Variants in FAM135A observed in about 807,000 individuals in gnomAD.
FAM135A encodes protein FAM135A.
FAM135A carries 79 observed loss-of-function variants against 146.8 expected under a neutral mutation model. That is an observed-to-expected ratio of 0.54 (90% CI 0.45 to 0.65). FAM135A has a LOEUF of 0.65. Ranked by LOEUF, FAM135A falls within the 30% of genes least tolerant of loss-of-function variation. The pLI is 0.00. For synonymous variants in FAM135A, 562 were observed against 603.6 expected (o/e 0.93, Z 1.01); for missense variants, 1,623 against 1,758.2 (o/e 0.92, Z 1.38).
Position 70,523,963 on chromosome 6 carries a change from T to G in FAM135A, c.1104-4T>G. 1 of 1,594,398 alleles carries G rather than the reference T, an allele frequency of 6.3e-7. No homozygotes were observed. Among genetic ancestry groups the G allele is most frequent in the Non-Finnish European group, 8.5e-7 (1 of 1,175,140 alleles). ...TACAATCTGACTGAAGAAATATTTTTCAGTGCTCAGAGTCATCTACAGATG... is the reference window on the plus strand; with the variant it reads ...TACAATCTGACTGAAGAAATATTTTGCAGTGCTCAGAGTCATCTACAGATG... On this transcript the variant is annotated splice_polypyrimidine_tract_variant and splice_region_variant and intron_variant, in intron 13 of 21. Coordinates refer to ENST00000418814, the MANE Select transcript of FAM135A (RefSeq NM_001162529.3).
At chr6:70,557,080 C>G (rs371511905) in intron 21 of FAM135A, 1 of 570,574 alleles carries the variant, frequency 1.8e-6, no homozygotes, top group African/African-American at 1.9e-5. Context: ...TTACAAATGC[C>G]TCTCCATTTT....
intron 12 of FAM135A, chr6:70,504,586 A>G (rs1025548728): frequency 3.9e-5 from 6 of 152,222 alleles, no homozygotes; most frequent in African/African-American, 1.4e-4. Flanking sequence ...CCATATGGTA[A>G]GTATTAAATA....
At chr6:70,443,025 A>AT (rs1774915572) in intron 4 of FAM135A, among the ~76,000 whole-genome samples, 1 of 152,172 alleles carries the variant, frequency 6.6e-6, no homozygotes, top group African/African-American at 2.4e-5. Flanking sequence ...ATCATCTAAT[A>AT]TTTTTGCCAG....
At chr6:70,519,880 C>T (rs1276839055) in intron 12 of FAM135A, among the ~76,000 whole-genome samples, 1 of 151,090 alleles carries the variant, frequency 6.6e-6, no homozygotes, top group African/African-American at 2.5e-5. Context: ...CATGCCTATA[C>T]TAAACATACT....
At chr6:70,540,319 T>A (rs1376518388) in intron 20 of FAM135A, among the ~76,000 whole-genome samples, 2 of 50,726 alleles carry the variant, frequency 3.9e-5, no homozygotes, top group African/African-American at 1.0e-4. Flanking sequence ...TTCCTGCTAC[T>A]TTTTTTTTTT....
chr6:70,557,150 A>C, intron 21 of FAM135A: 1 of 503,380 alleles, frequency 2.0e-6, no homozygotes. Flanking sequence ...TGACAATTGT[A>C]GTCATCCTTG....
At chr6:70,442,407 G>A (rs1422569021) in intron 4 of FAM135A, among the ~76,000 whole-genome samples, 2 of 151,638 alleles carry the variant, frequency 1.3e-5, no homozygotes, top group African/African-American at 4.8e-5. Context: ...TCTTTGTTTT[G>A]TAATTATATA....
intron 16 of FAM135A, 95 bp from the exon 17 acceptor site, chr6:70,533,065 A>G (rs1179643652): frequency 2.1e-6 from 2 of 962,916 alleles, no homozygotes; most frequent in South Asian, 1.4e-5. Flanking sequence ...GGCATAGGCC[A>G]TAAGCTTGTC....
At chr6:70,462,224 T>C (rs1488757661) in intron 5 of FAM135A, among the ~76,000 whole-genome samples, 1 of 152,188 alleles carries the variant, frequency 6.6e-6, no homozygotes, top group Non-Finnish European at 1.5e-5. Context: ...CTTACTAGTG[T>C]TGGAGTTCTG....
At chr6:70,549,471 A>G (rs182460463) in intron 20 of FAM135A, among the ~76,000 whole-genome samples, 50 of 152,262 alleles carry the variant, frequency 3.3e-4, no homozygotes, top group Non-Finnish European at 5.3e-4. Flanking sequence ...CAAAATACAG[A>G]CATGCCTTGG....
Position 70,452,545 on chromosome 6 carries a change from T to G in FAM135A, c.131T>G (p.Val44Gly). ...ATTCCATCAAGAATTCCCCACAGAGTAGAAGCTAGTTTGTTGCATGCAACA... is the reference window on the plus strand; with the variant it reads ...ATTCCATCAAGAATTCCCCACAGAGGAGAAGCTAGTTTGTTGCATGCAACA... ...MKIPSRIPHR[V>G]EASLLHATGM... The change falls in exon 5 of 22, where the codon GTA (valine) becomes GGA (glycine). Residue 44 changes from valine (V) to glycine (G), a missense_variant. Physicochemically the swap from Val to Gly is moderately radical, Grantham distance 109 (BLOSUM62 -3). Transcript: ENST00000418814. The G allele has an allele frequency of 1.3e-6, 2 of 1,595,016 alleles. No individual in the cohort carries two copies. Among genetic ancestry groups the G allele is most frequent in the Non-Finnish European group, 1.7e-6 (2 of 1,174,736 alleles).
At chr6:70,512,005 G>T (rs1346065972) in intron 12 of FAM135A, among the ~76,000 whole-genome samples, 1 of 151,880 alleles carries the variant, frequency 6.6e-6, no homozygotes, top group Admixed American at 6.6e-5. Context: ...ATTATGTGGA[G>T]CATGACTATA....
rs1157638265 is a variant in FAM135A at position 70,413,516 on chromosome 6, C to T, written c.-406C>T. 5 of 152,996 alleles carry T rather than the reference C, an allele frequency of 3.3e-5. No individual in the cohort carries two copies. Among genetic ancestry groups the T allele is most frequent in the African/African-American group, 9.6e-5 (4 of 41,546 alleles). 9.5% of individuals were successfully genotyped at this position (152,996 alleles called of 1,614,324 possible). On this transcript the variant is annotated 5_prime_UTR_variant, in exon 1 of 22. Coordinates refer to ENST00000418814, the MANE Select transcript of FAM135A (RefSeq NM_001162529.3). ...GGCGACTGCGCATGCTCGCTGGCCG[C>T]GCTGGGCCAGTAGCCGAGCCGCGGT...
intron 20 of FAM135A, among the ~76,000 whole-genome samples, chr6:70,540,318 C>CTTTTT (rs1190614826): frequency 0.012 from 947 of 81,528 alleles, 86 homozygotes; most frequent in African/African-American, 0.045. Flanking sequence ...ATTCCTGCTA[C>CTTTTT]TTTTTTTTTT....
chr6:70,556,875 A>C lies in FAM135A; in HGVS notation c.4342+12A>C. ...GGACAAACAGTCAGGTAATGGAATAAAATTATTTCAAAGAGTTATAGGTAT... is the reference window on the plus strand; with the variant it reads ...GGACAAACAGTCAGGTAATGGAATACAATTATTTCAAAGAGTTATAGGTAT... On this transcript the variant is annotated intron_variant, in intron 21 of 21. Transcript: ENST00000418814. 6.2e-7 allele frequency: 1 copy of C among 1,607,462 alleles called. No homozygotes were observed. The highest frequency in any genetic ancestry group is 2.2e-5 in the East Asian group (1 of 44,834).
intron 4 of FAM135A, among the ~76,000 whole-genome samples, chr6:70,448,301 T>C (rs886898099): frequency 6.6e-6 from 1 of 152,200 alleles, no homozygotes; most frequent in African/African-American, 2.4e-5. Context: ...AAACCTGCTC[T>C]GTAACCTCTT....
chr6:70,464,667 C>CTTTTTTTTTTTTTTTTTTTTTT (rs533623758), intron 5 of FAM135A, among the ~76,000 whole-genome samples: 3 of 99,378 alleles, frequency 3.0e-5, no homozygotes, highest in Admixed American at 1.0e-4. Context: ...TCTTTTTTTT[C>CTTTTTTTTTTTTTTTTTTTTTT]TTTTTTTTTT....
chr6:70,517,464 G>C (rs2128317130), intron 12 of FAM135A, among the ~76,000 whole-genome samples: 1 of 148,742 alleles, frequency 6.7e-6, no homozygotes, highest in South Asian at 2.1e-4. Flanking sequence ...TGTCACCCAG[G>C]CTGGAGTGCA....
chr6:70,427,167 A>G (rs1403223356), intron 3 of FAM135A, among the ~76,000 whole-genome samples: 1 of 152,170 alleles, frequency 6.6e-6, no homozygotes, highest in African/African-American at 2.4e-5. Flanking sequence ...TAAATAGTGA[A>G]AAAATGGAAA....
Sources: allele counts gnomAD v4.1 joint callset (sites outside exome capture counted in the v4.1 genomes callset), GRCh38; gene constraint gnomAD v4.1.1; transcripts MANE v1.5; gene names NCBI Gene and HGNC (gene_info 2026-07-23, HGNC 2026-07-21).